SCARB1: variants seen among roughly 807,000 people sequenced by gnomAD.
The protein encoded by SCARB1 is CD36 and LIMPII analogous 1.
A neutral mutation model predicts 57.2 loss-of-function variants in SCARB1; 30 were observed. The observed-to-expected ratio is 0.52, with a 90% CI of 0.39 to 0.71. SCARB1 has a LOEUF of 0.71. Ranked by LOEUF, SCARB1 falls within the 30% of genes least tolerant of loss-of-function variation. The pLI is 0.00. For synonymous variants in SCARB1, 249 were observed against 268.3 expected (o/e 0.93, Z 0.70); for missense variants, 543 against 671.2 (o/e 0.81, Z 2.11).
At position 124,817,474 on chromosome 12, in the gene SCARB1, C is replaced by T; in HGVS notation, c.284+76G>A. ...TCTGGGGCTCAGTCAGCAGCCTCCCCATCCCGTCCACTCTGAGACCCCTCC... is the reference window on the plus strand; with the variant it reads ...TCTGGGGCTCAGTCAGCAGCCTCCCTATCCCGTCCACTCTGAGACCCCTCC... On this transcript the variant is annotated intron_variant, in intron 2 of 12. Coordinates refer to ENST00000261693, the MANE Select transcript of SCARB1 (RefSeq NM_005505.5). The surrounding 1 kb of genome is among the most constrained non-coding windows in gnomAD (Gnocchi z 4.8). 5.5e-6 allele frequency: 8 copies of T among 1,459,230 alleles called. No individual in the cohort carries two copies. The highest frequency in any genetic ancestry group is 4.6e-5 in the South Asian group (4 of 86,354). 90.4% of individuals were successfully genotyped at this position (1,459,230 alleles called of 1,614,324 possible). A position where few individuals can be genotyped will look rare whatever the true frequency, so the allele number is the denominator to read the frequency against.
chr12:124,837,574 AAAAGAAAAGAAAAGAAAAG>A (rs1428659382), intron 1 of SCARB1, among the ~76,000 whole-genome samples: 1 of 12,946 alleles, frequency 7.7e-5, no homozygotes, highest in Non-Finnish European at 3.1e-4. Context: ...AAAAGAAAAG[AAAAGAAAAGAAAAGAAAAG>A]AAAAGTCAGC....
intron 1 of SCARB1, among the ~76,000 whole-genome samples, chr12:124,821,198 A>G (rs775312358): frequency 2.0e-5 from 3 of 151,748 alleles, no homozygotes; most frequent in Non-Finnish European, 2.9e-5. Flanking sequence ...TGATCACACC[A>G]CTGCACTCCA....
intron 7 of SCARB1, among the ~76,000 whole-genome samples, chr12:124,802,620 C>T (rs546412957): frequency 5.9e-5 from 9 of 152,322 alleles, no homozygotes; most frequent in Admixed American, 2.0e-4. Context: ...GCCGAGCCTG[C>T]ATGGACCCAC....
chr12:124,832,960 G>A (rs192694910), intron 1 of SCARB1, among the ~76,000 whole-genome samples: 11 of 152,086 alleles, frequency 7.2e-5, no homozygotes, highest in Admixed American at 3.9e-4. Flanking sequence ...TGAAAGTCAC[G>A]GTGCAGGCAG....
chr12:124,818,870 A>G (rs1359197988), intron 1 of SCARB1, among the ~76,000 whole-genome samples: 1 of 152,168 alleles, frequency 6.6e-6, no homozygotes, highest in Non-Finnish European at 1.5e-5. Context: ...CACGTTGGCC[A>G]GGCTGGTCTC....
rs755751202 is a variant in SCARB1, at chr12:124,786,418, A to T, written c.1340T>A (p.Val447Asp). 3.1e-6 allele frequency: 5 copies of T among 1,614,150 alleles called. No individual in the cohort carries two copies. The Admixed American group carries it at 5.0e-5, about 16-fold the overall frequency. Residue 447 changes from valine (V) to aspartate (D), a missense_variant, in exon 11 of 13, where the codon GTC becomes GAC. Coordinates refer to ENST00000261693, the MANE Select transcript of SCARB1 (RefSeq NM_005505.5). ...MPKVMHYAQY[V>D]LLALGCVLLL... The stretch of plus-strand genomic sequence containing the variant: ...CAGGACGCAGCCCAGCGCCAGGAGG[A>T]CGTACTGGGCATAGTGCATCACCTT...
rs988320359 is a variant in SCARB1, at chr12:124,817,480, G to A, written c.284+70C>T. The A allele has an allele frequency of 5.7e-5, 85 of 1,493,484 alleles. No homozygotes were observed. The highest frequency in any genetic ancestry group is 1.0e-4 in the Admixed American group (6 of 57,330). The allele number at this position is 1,493,484 out of a possible 1,614,324, so 92.5% of individuals were successfully genotyped here. On this transcript the variant is annotated intron_variant, in intron 2 of 12. Coordinates refer to ENST00000261693, the MANE Select transcript of SCARB1 (RefSeq NM_005505.5). This position sits in a 1 kb window ranked among gnomAD's most constrained non-coding sequence, Gnocchi z 4.8. ...GCTCAGTCAGCAGCCTCCCCATCCC[G>A]TCCACTCTGAGACCCCTCCCCTGCC...
At chr12:124,843,295 G>C (rs951882548) in intron 1 of SCARB1, among the ~76,000 whole-genome samples, 4 of 123,394 alleles carry the variant, frequency 3.2e-5, no homozygotes, top group Admixed American at 8.0e-5. Context: ...GGAGATGGGG[G>C]GGGGGGTCTT....
At chr12:124,797,032 C>T (rs1248630000) in intron 8 of SCARB1, among the ~76,000 whole-genome samples, 3 of 152,174 alleles carry the variant, frequency 2.0e-5, no homozygotes, top group Non-Finnish European at 4.4e-5. Flanking sequence ...AATTTTGGTA[C>T]CTGCCAGGCA....
chr12:124,793,887 C>T (rs962215070), intron 9 of SCARB1, among the ~76,000 whole-genome samples: 2 of 152,078 alleles, frequency 1.3e-5, no homozygotes, highest in South Asian at 2.1e-4. Flanking sequence ...TTATGCATAA[C>T]GGCCCAGGCG....
intron 1 of SCARB1, among the ~76,000 whole-genome samples, chr12:124,826,708 C>T (rs1436454404): frequency 1.3e-5 from 2 of 152,096 alleles, no homozygotes; most frequent in African/African-American, 4.8e-5. Flanking sequence ...GATCCACTCG[C>T]TTCAGCCTCC....
At chr12:124,837,545 A>AAAGAAAAGAG (rs1951721051) in intron 1 of SCARB1, among the ~76,000 whole-genome samples, 1 of 11,522 alleles carries the variant, frequency 8.7e-5, no homozygotes, top group African/African-American at 2.1e-4. Flanking sequence ...AAAGAAAAGA[A>AAAGAAAAGAG]AAGAAAAGAA....
At position 124,778,311 on chromosome 12, in the gene SCARB1, G is replaced by A; in HGVS notation, c.*276C>T. The A allele has an allele frequency of 2.8e-6, 2 of 726,626 alleles. No homozygotes were observed. Among genetic ancestry groups the A allele is most frequent in the Non-Finnish European group, 3.8e-6 (2 of 525,692 alleles). The allele number at this position is 726,626 out of a possible 1,614,324, so 45.0% of individuals were successfully genotyped here. A position where few individuals can be genotyped will look rare whatever the true frequency, so the allele number is the denominator to read the frequency against. Reference sequence around the variant, plus strand: ...GTCAGGCCTGTGGGCCACGTGGAGAGAAGGTTCCAGAACAGTGCTTGTTGA... The same window carrying A: ...GTCAGGCCTGTGGGCCACGTGGAGAAAAGGTTCCAGAACAGTGCTTGTTGA... On this transcript the variant is annotated 3_prime_UTR_variant, in exon 13 of 13. Transcript: ENST00000261693.
intron 1 of SCARB1, among the ~76,000 whole-genome samples, chr12:124,821,935 C>G (rs1950970597): frequency 6.6e-6 from 1 of 152,142 alleles, no homozygotes; most frequent in Non-Finnish European, 1.5e-5. Context: ...ATGGCTGATT[C>G]TATGATTCTG....
intron 1 of SCARB1, among the ~76,000 whole-genome samples, chr12:124,842,844 G>A (rs1431343610): frequency 6.6e-6 from 1 of 152,230 alleles, no homozygotes; most frequent in Admixed American, 6.5e-5. Flanking sequence ...GCTCGGATGA[G>A]GATGGGTTCT....
chr12:124,842,255 C>T (rs995938209), intron 1 of SCARB1, among the ~76,000 whole-genome samples: 2 of 152,230 alleles, frequency 1.3e-5, no homozygotes, highest in Admixed American at 1.3e-4. Context: ...CCCAGGCAGT[C>T]ACCTGTCCAG....
chr12:124,829,929 T>C (rs938190858), intron 1 of SCARB1, among the ~76,000 whole-genome samples: 1 of 152,210 alleles, frequency 6.6e-6, no homozygotes, highest in Non-Finnish European at 1.5e-5. Context: ...TATGTAGTTG[T>C]TGATAAGTCC....
At position 124,800,345 on chromosome 12, in the gene SCARB1, T is replaced by G. The variant is rs1251652608; in HGVS notation, c.1010-103A>C. ...AGCTGTGGTCTGCAGGGCACCCCCG[T>G]GGCGATGACAAGATAACCAGACAGA... On this transcript the variant is annotated intron_variant, in intron 7 of 12. Coordinates refer to ENST00000261693, the MANE Select transcript of SCARB1 (RefSeq NM_005505.5). The surrounding 1 kb of genome is among the most constrained non-coding windows in gnomAD (Gnocchi z 4.8). 2.4e-6 allele frequency: 2 copies of G among 825,468 alleles called. No individual in the cohort carries two copies. The highest frequency in any genetic ancestry group is 4.1e-6 in the Non-Finnish European group (2 of 493,792). The allele number at this position is 825,468 out of a possible 1,614,324, so 51.1% of individuals were successfully genotyped here. A position where few individuals can be genotyped will look rare whatever the true frequency, so the allele number is the denominator to read the frequency against.
At chr12:124,850,783 T>C (rs913170630) in intron 1 of SCARB1, among the ~76,000 whole-genome samples, 1 of 152,150 alleles carries the variant, frequency 6.6e-6, no homozygotes, top group African/African-American at 2.4e-5. Flanking sequence ...CAAAATAATC[T>C]CTAATACTGT....
Sources: allele counts gnomAD v4.1 joint callset (sites outside exome capture counted in the v4.1 genomes callset), GRCh38; gene constraint gnomAD v4.1.1; non-coding constraint Gnocchi (gnomAD v3.1); transcripts MANE v1.5; gene names NCBI Gene and HGNC (gene_info 2026-07-23, HGNC 2026-07-21).